SEMA3E: variants seen among roughly 807,000 people sequenced by gnomAD.
The protein encoded by SEMA3E is semaphorin 3E, also known as semaphorin-3E.
A neutral mutation model predicts 93.6 loss-of-function variants in SEMA3E; 49 were observed. The observed-to-expected ratio is 0.52, with a 90% confidence interval of 0.42 to 0.66. SEMA3E has a LOEUF of 0.66. Among genes scored for constraint, SEMA3E ranks in the 30% least tolerant of loss-of-function variants. The pLI, the probability that SEMA3E is intolerant of heterozygous loss-of-function variation, is 0.00. For synonymous variants in SEMA3E, 363 were observed against 330.7 expected, an observed-to-expected ratio of 1.10 and a Z score of -1.06; for missense variants, 906 against 964.8, an observed-to-expected ratio of 0.94 and a Z score of 0.81.
At chr7:83,490,919 TG>T (rs1790370586) in intron 1 of SEMA3E, among the ~76,000 whole-genome samples, 1 of 152,120 alleles carries the variant, frequency 6.6e-6, no homozygotes, top group Admixed American at 6.6e-5. Context: ...ACCTCTCATG[TG>T]TGTGCATTTG....
At chr7:83,503,621 A>T (rs974264339) in intron 1 of SEMA3E, among the ~76,000 whole-genome samples, 4 of 152,194 alleles carry the variant, frequency 2.6e-5, no homozygotes, top group Non-Finnish European at 5.9e-5. Context: ...GGTATAGCCT[A>T]CTGCAAACCT....
At chr7:83,556,523 G>C (rs920106106) in intron 1 of SEMA3E, among the ~76,000 whole-genome samples, 1 of 152,108 alleles carries the variant, frequency 6.6e-6, no homozygotes, top group African/African-American at 2.4e-5. Context: ...ACATTGAGGG[G>C]CCAGGGAACA....
At chr7:83,646,167 A>G (rs980060766) in intron 1 of SEMA3E, among the ~76,000 whole-genome samples, 3 of 151,982 alleles carry the variant, frequency 2.0e-5, no homozygotes, top group Non-Finnish European at 4.4e-5. Flanking sequence ...AAGATTATAT[A>G]CTCATTTAAA....
chr7:83,644,915 T>G (rs1412821741), intron 1 of SEMA3E, among the ~76,000 whole-genome samples: 2 of 152,024 alleles, frequency 1.3e-5, no homozygotes, highest in Non-Finnish European at 2.9e-5. Context: ...GAACATTTTA[T>G]GCTTAAGCAG....
rs529319761 is a variant in SEMA3E at position 83,515,539 on chromosome 7, G to T, written c.116-25265C>A. On this transcript the variant is annotated intron_variant, in intron 1 of 16. Coordinates refer to ENST00000643230, the MANE Select transcript of SEMA3E (RefSeq NM_012431.3). Reference sequence around the variant, plus strand: ...AATGTACACCATATTCCCATTACAGGGTACTTCCAAAAGTCCACAGATTGC... The same window carrying T: ...AATGTACACCATATTCCCATTACAGTGTACTTCCAAAAGTCCACAGATTGC... Among the ~76,000 whole-genome samples the T allele has an allele frequency of 2.0e-5, 3 of 152,016 alleles. 1 individual carries two copies. The East Asian group carries it at 5.8e-4, about 29-fold the overall frequency.
At chr7:83,472,296 C>T (rs2115903157) in intron 2 of SEMA3E, among the ~76,000 whole-genome samples, 1 of 152,240 alleles carries the variant, frequency 6.6e-6, no homozygotes, top group South Asian at 2.1e-4. Flanking sequence ...CTAATTTAAT[C>T]CTTACCACAA....
chr7:83,404,020 T>C (rs1341490918), intron 9 of SEMA3E, among the ~76,000 whole-genome samples: 2 of 151,976 alleles, frequency 1.3e-5, no homozygotes, highest in Admixed American at 6.6e-5. Flanking sequence ...TATAATCTGA[T>C]CATATTAACC....
chr7:83,612,228 A>C (rs1373736220), intron 1 of SEMA3E, among the ~76,000 whole-genome samples: 1 of 152,144 alleles, frequency 6.6e-6, no homozygotes, highest in Non-Finnish European at 1.5e-5. Context: ...CAACCAATAG[A>C]ATATATAATA....
At chr7:83,406,510 A>T (rs977504127) in intron 7 of SEMA3E, among the ~76,000 whole-genome samples, 11 of 151,930 alleles carry the variant, frequency 7.2e-5, no homozygotes, top group Non-Finnish European at 1.6e-4. Flanking sequence ...ATGTATATAA[A>T]TATATACATA....
At chr7:83,579,676 A>T (rs1336938496) in intron 1 of SEMA3E, among the ~76,000 whole-genome samples, 1 of 152,132 alleles carries the variant, frequency 6.6e-6, no homozygotes, top group East Asian at 1.9e-4. Context: ...GTAGATTTGA[A>T]TGAAAACTCT....
intron 1 of SEMA3E, among the ~76,000 whole-genome samples, chr7:83,578,158 A>T (rs945152214): frequency 9.9e-5 from 15 of 151,514 alleles, no homozygotes; most frequent in Admixed American, 2.0e-4. Context: ...AAAAAAAAAC[A>T]GGATTAAATG....
At chr7:83,592,312 T>C (rs1792771820) in intron 1 of SEMA3E, among the ~76,000 whole-genome samples, 1 of 152,148 alleles carries the variant, frequency 6.6e-6, no homozygotes, top group Non-Finnish European at 1.5e-5. Context: ...TACTTAAAGT[T>C]ATGCTAATAG....
Position 83,588,720 on chromosome 7 carries a change from T to G in SEMA3E, c.115+59708A>C, listed in dbSNP as rs114109416. On this transcript the variant is annotated intron_variant, in intron 1 of 16. Coordinates refer to ENST00000643230, the MANE Select transcript of SEMA3E (RefSeq NM_012431.3). ...TAATTTTGATCCTAAATGTTTTAAA[T>G]TGTAGTACATATTTACCTTGAATCA... Among the ~76,000 whole-genome samples the G allele has an allele frequency of 5.3e-3, 807 of 152,316 alleles. 7 individuals carry two copies. Among genetic ancestry groups the G allele is most frequent in the African/African-American group, 0.018 (768 of 41,570 alleles).
intron 1 of SEMA3E, among the ~76,000 whole-genome samples, chr7:83,583,983 G>A (rs1020302553): frequency 5.3e-5 from 8 of 152,042 alleles, no homozygotes; most frequent in Non-Finnish European, 1.2e-4. Context: ...TACAAAGAGG[G>A]ACTAGACTCT....
At chr7:83,461,878 C>G (rs372807758) in intron 4 of SEMA3E, among the ~76,000 whole-genome samples, 2 of 152,192 alleles carry the variant, frequency 1.3e-5, no homozygotes, top group African/African-American at 4.8e-5. Flanking sequence ...AACTTCCAAA[C>G]GCCTGAACCG....
intron 1 of SEMA3E, among the ~76,000 whole-genome samples, chr7:83,556,405 C>T (rs932913317): frequency 6.6e-6 from 1 of 152,066 alleles, no homozygotes; most frequent in Non-Finnish European, 1.5e-5. Flanking sequence ...TTATTAAATG[C>T]CAGGTCGTTT....
intron 1 of SEMA3E, among the ~76,000 whole-genome samples, chr7:83,508,263 CTTT>C (rs1030827840): frequency 5.0e-5 from 7 of 138,684 alleles, no homozygotes; most frequent in East Asian, 2.1e-4. Flanking sequence ...TTTTCTTTTT[CTTT>C]TTTTTTTTTT....
chr7:83,386,991 T>G lies in SEMA3E; in HGVS notation c.1727A>C (p.Gln576Pro), dbSNP rs184312135. 2.5e-6 allele frequency: 4 copies of G among 1,613,236 alleles called. No homozygotes were observed. In the East Asian group the frequency reaches 8.9e-5, roughly 36 times the overall value. The stretch of plus-strand genomic sequence containing the variant: ...GATTTTCTATGGATTACCAACAAAC[T>G]GTTGTCCAAAGCACTGCTGAGCTGC... ...GNAAQQCFGQ[Q>P]FVGDALDKTE... Residue 576 changes from glutamine to proline, a missense_variant, in exon 15 of 17, where the codon CAG (glutamine) becomes CCG (proline). Physicochemically the swap from Gln to Pro is moderately conservative, Grantham distance 76. Transcript: ENST00000643230.
At chr7:83,533,095 C>G (rs1791336905) in intron 1 of SEMA3E, among the ~76,000 whole-genome samples, 1 of 152,098 alleles carries the variant, frequency 6.6e-6, no homozygotes, top group Non-Finnish European at 1.5e-5. Context: ...TCTTCTGTAT[C>G]TTTCTCTCCT....
Sources: gnomAD v4.1 joint callset for allele counts (sites outside exome capture counted in the v4.1 genomes callset) on GRCh38, gnomAD v4.1.1 for gene constraint, MANE v1.5 for transcripts, NCBI Gene and HGNC (gene_info 2026-07-23, HGNC 2026-07-21) for gene names.